The following KIAA1217 variants were observed in gnomAD, a reference collection of about 807,000 sequenced individuals.
KIAA1217 encodes the protein sickle tail protein homolog.
In KIAA1217, 88 loss-of-function variants were observed where a neutral mutation model predicts 163.9. The observed-to-expected ratio is 0.54, with a 90% CI of 0.45 to 0.64. The LOEUF is 0.64. KIAA1217 is among the 30% of genes least tolerant of loss of function. The pLI is 0.00. For synonymous variants in KIAA1217, 903 were observed against 923.1 expected, an observed-to-expected ratio of 0.98 and a Z score of 0.39; for missense variants, 2,372 against 2,475.0, an observed-to-expected ratio of 0.96 and a Z score of 0.88.
intron 2 of KIAA1217, among the ~76,000 whole-genome samples, chr10:24,117,596 C>T (rs1162879042): frequency 6.6e-6 from 1 of 152,084 alleles, no homozygotes; most frequent in African/African-American, 2.4e-5. Context: ...AATCATGCCA[C>T]TGCACTCCAG....
intron 1 of KIAA1217, among the ~76,000 whole-genome samples, chr10:23,727,184 G>T (rs980509609): frequency 6.6e-6 from 1 of 151,420 alleles, no homozygotes; most frequent in East Asian, 2.0e-4. Context: ...GTAGAGACAG[G>T]GTTTCACCAT....
intron 2 of KIAA1217, among the ~76,000 whole-genome samples, chr10:24,238,291 A>G (rs1268146208): frequency 6.6e-6 from 1 of 152,192 alleles, no homozygotes; most frequent in Non-Finnish European, 1.5e-5. Flanking sequence ...TGATAACATT[A>G]TGATAAACTC....
At chr10:24,373,344 A>G (rs74122262) in intron 2 of KIAA1217, among the ~76,000 whole-genome samples, 16,985 of 152,138 alleles carry the variant, frequency 0.11, 1,074 homozygotes, top group South Asian at 0.3. Flanking sequence ...CTGCGCAATT[A>G]GGAACTTCCT....
chr10:24,082,994 C>T (rs934151503), intron 2 of KIAA1217, among the ~76,000 whole-genome samples: 8 of 152,104 alleles, frequency 5.3e-5, no homozygotes, highest in African/African-American at 1.9e-4. Flanking sequence ...CTCTGATGAT[C>T]AGTGATGTTG....
At chr10:24,451,565 G>C (rs2061374722) in intron 5 of KIAA1217, among the ~76,000 whole-genome samples, 1 of 152,214 alleles carries the variant, frequency 6.6e-6, no homozygotes, top group African/African-American at 2.4e-5. Context: ...CAGGATCAAG[G>C]CTTCCAGCCC....
intron 1 of KIAA1217, among the ~76,000 whole-genome samples, chr10:23,745,367 G>T (rs1388199286): frequency 2.0e-5 from 3 of 152,142 alleles, no homozygotes; most frequent in Non-Finnish European, 4.4e-5. Flanking sequence ...GAATGTTTGT[G>T]CTAATGTATG....
rs758713857 is a variant in KIAA1217, at chr10:24,209,222, A to T, written c.29A>T (p.Glu10Val). 6.2e-7 allele frequency: 1 copy of T among 1,613,984 alleles called. No homozygotes were observed. The highest frequency in any genetic ancestry group is 8.5e-7 in the Non-Finnish European group (1 of 1,179,982). Reference protein sequence around the residue: MEENESQKCEPCLPYSADRR... With the variant: MEENESQKCVPCLPYSADRR... Reference sequence around the variant, plus strand: ...GAAGAAAATGAAAGCCAGAAATGTGAGCCGTGCCTTCCTTACTCAGCAGAC... The same window carrying T: ...GAAGAAAATGAAAGCCAGAAATGTGTGCCGTGCCTTCCTTACTCAGCAGAC... The change falls in exon 1 of 21, where the codon GAG becomes GTG. Residue 10 changes from glutamate (E) to valine (V), a missense_variant. Glu to Val is a moderately radical substitution (Grantham distance 121). Transcript: ENST00000376454.
chr10:24,026,695 G>T (rs1272867233), intron 2 of KIAA1217, among the ~76,000 whole-genome samples: 4 of 131,358 alleles, frequency 3.0e-5, no homozygotes, highest in Non-Finnish European at 6.6e-5. Flanking sequence ...CTAGATTTTG[G>T]TTACATTGAT....
chr10:23,938,806 T>A (rs962730199), intron 1 of KIAA1217, among the ~76,000 whole-genome samples: 2 of 152,178 alleles, frequency 1.3e-5, no homozygotes, highest in Non-Finnish European at 2.9e-5. Context: ...GATGACTGTG[T>A]ATATGCATAC....
At chr10:23,806,922 C>T (rs1836769090) in intron 1 of KIAA1217, among the ~76,000 whole-genome samples, 1 of 152,220 alleles carries the variant, frequency 6.6e-6, no homozygotes, top group African/African-American at 2.4e-5. Flanking sequence ...ACTCTGCATT[C>T]ACAATATCTT....
intron 1 of KIAA1217, among the ~76,000 whole-genome samples, chr10:23,730,611 C>A (rs1231389117): frequency 2.0e-5 from 3 of 151,896 alleles, no homozygotes; most frequent in Non-Finnish European, 4.4e-5. Flanking sequence ...AATATTGAGT[C>A]TTCCTATCCA....
intron 1 of KIAA1217, among the ~76,000 whole-genome samples, chr10:23,801,065 G>T (rs1836445031): frequency 6.6e-6 from 1 of 152,102 alleles, no homozygotes; most frequent in Non-Finnish European, 1.5e-5. Context: ...GCAGAGACTT[G>T]GAACCAACCC....
chr10:24,312,774 G>A (rs1564453315), intron 2 of KIAA1217, among the ~76,000 whole-genome samples: 1 of 152,100 alleles, frequency 6.6e-6, no homozygotes, highest in South Asian at 2.1e-4. Context: ...AATTAGCTGG[G>A]TGTGATGGTG....
Position 23,944,015 on chromosome 10 carries a change from A to G in KIAA1217, c.-320-63210A>G, listed in dbSNP as rs570507756. On this transcript the variant is annotated intron_variant, in intron 1 of 18. Transcript: ENST00000376462. ...GGTCAATCTCCTTACTAAACTGGCT[A>G]AGCAAAATTTTCTTTAAGAAAAGAT... Among the ~76,000 whole-genome samples, 7 of 152,378 alleles carry G rather than the reference A, an allele frequency of 4.6e-5. No individual in the cohort carries two copies. In the South Asian group the frequency reaches 8.3e-4, roughly 18 times the overall value.
chr10:23,960,218 A>T (rs1014527883), intron 1 of KIAA1217, among the ~76,000 whole-genome samples: 30 of 149,290 alleles, frequency 2.0e-4, no homozygotes, highest in South Asian at 2.1e-4. Flanking sequence ...CCCGGCCAGA[A>T]TTCTTTTATA....
At chr10:24,156,699 A>G (rs1305672498) in intron 2 of KIAA1217, among the ~76,000 whole-genome samples, 1 of 152,110 alleles carries the variant, frequency 6.6e-6, no homozygotes, top group East Asian at 1.9e-4. Flanking sequence ...AGTACCAGAA[A>G]ACTAGGGGCA....
At chr10:24,272,222 G>T (rs944451950) in intron 2 of KIAA1217, among the ~76,000 whole-genome samples, 3 of 152,196 alleles carry the variant, frequency 2.0e-5, no homozygotes, top group Non-Finnish European at 4.4e-5. Context: ...TCACTACTCA[G>T]TTAGGGATGT....
chr10:23,716,225 T>C (rs1467123839), intron 1 of KIAA1217, among the ~76,000 whole-genome samples: 1 of 152,192 alleles, frequency 6.6e-6, no homozygotes, highest in African/African-American at 2.4e-5. Context: ...AAAGTTTCTC[T>C]TTATGAAATA....
intron 1 of KIAA1217, among the ~76,000 whole-genome samples, chr10:23,809,143 T>C (rs1390131162): frequency 6.6e-6 from 1 of 152,060 alleles, no homozygotes; most frequent in Non-Finnish European, 1.5e-5. Flanking sequence ...TTCAAACGTG[T>C]CCTTGAGAAA....
Sources: gnomAD v4.1 joint callset for allele counts (sites outside exome capture counted in the v4.1 genomes callset) on GRCh38, gnomAD v4.1.1 for gene constraint, MANE v1.5 for transcripts, NCBI Gene and HGNC (gene_info 2026-07-23, HGNC 2026-07-21) for gene names.